Variants in TFIP11 observed in about 807,000 individuals in gnomAD.
TFIP11 encodes tuftelin interacting protein 11, also known as tuftelin-interacting protein 11.
A neutral mutation model predicts 96.8 loss-of-function variants in TFIP11; 86 were observed. That is an observed-to-expected ratio of 0.89 (90% CI 0.75 to 1.06). The LOEUF (loss-of-function observed/expected upper bound fraction) is 1.06, where lower values mean the gene tolerates loss of function less well. Among genes scored for constraint, TFIP11 ranks in the 50% least tolerant of loss-of-function variants. The probability of loss-of-function intolerance (pLI) is 0.00; values close to 1 mark genes in which losing one functional copy is unlikely to be tolerated. For synonymous variants in TFIP11, 405 were observed against 395.2 expected (o/e 1.02, Z -0.29); for missense variants, 881 against 1,076.7 (o/e 0.82, Z 2.54).
chr22:26,499,171 A>G lies in TFIP11; in HGVS notation c.1262T>C (p.Val421Ala). Residue 421 changes from valine to alanine, a missense_variant, in exon 9 of 15, where the codon GTG (valine) becomes GCG (alanine). Val to Ala is a moderately conservative substitution (Grantham distance 64). Transcript: ENST00000407690. ...YYEEYRMSDR[V>A]DLAVAIVYPL... ...ATAGACGATGGCCACAGCAAGGTCC[A>G]CACGGTCGGACATCCTGTACTCCTC... The G allele has an allele frequency of 6.2e-7, 1 of 1,608,954 alleles. No individual in the cohort carries two copies. The highest frequency in any genetic ancestry group is 8.5e-7 in the Non-Finnish European group (1 of 1,176,892).
At chr22:26,495,370 G>A (rs977951979) in intron 12 of TFIP11, among the ~76,000 whole-genome samples, 4 of 132,448 alleles carry the variant, frequency 3.0e-5, no homozygotes, top group Non-Finnish European at 4.6e-5. Flanking sequence ...CTCTGCCTCC[G>A]AGGTTCAAGC....
intron 2 of TFIP11, chr22:26,511,419 C>T (rs1924042659): frequency 6.6e-6 from 1 of 152,250 alleles, no homozygotes; most frequent in Non-Finnish European, 1.5e-5. Context: ...CACATAGTCA[C>T]ACCCAGGATC....
chr22:26,494,879 C>G lies in TFIP11; in HGVS notation c.1910G>C (p.Trp637Ser). 6.2e-7 allele frequency: 1 copy of G among 1,614,182 alleles called. No individual in the cohort carries two copies. The highest frequency in any genetic ancestry group is 8.5e-7 in the Non-Finnish European group (1 of 1,180,040). The change falls in exon 13 of 15, where the codon TGG becomes TCG. Residue 637 changes from tryptophan to serine, a missense_variant. Physicochemically the swap from Trp to Ser is radical, Grantham distance 177. Coordinates refer to ENST00000407690, the MANE Select transcript of TFIP11 (RefSeq NM_012143.4). ...PHQQHMDAFY[W>S]VIDWEGMISV... ...GATCATCCCTTCCCAGTCAATCACC[C>G]AATAGAATGCATCCATGTGCTGCTG...
At chr22:26,500,468 CTTTTAA>C (rs1340439401) in intron 8 of TFIP11, among the ~76,000 whole-genome samples, 1 of 152,164 alleles carries the variant, frequency 6.6e-6, no homozygotes, top group Non-Finnish European at 1.5e-5. Context: ...TGCGCCCAGC[CTTTTAA>C]TTTTAAAACA....
chr22:26,501,970 TC>T lies in TFIP11; in HGVS notation c.730del (p.Glu244LysfsTer3), dbSNP rs753339551. ...KKPKYSYKTVEELKAKGRISK... is the reference protein window; with the variant it reads ...KKPKYSYKTVXELKAKGRISK... ...AATCCTGCCCTTGGCCTTCAACTCT[TC>T]CACGGTCTTGTAAGAGTATTTGGGC... On this transcript the variant is annotated frameshift_variant, in exon 8 of 15. Coordinates refer to ENST00000407690, the MANE Select transcript of TFIP11 (RefSeq NM_012143.4). LOFTEE classifies it high-confidence loss of function. 1 of 1,613,716 alleles carries T rather than the reference TC, an allele frequency of 6.2e-7. No individual in the cohort carries two copies. Among genetic ancestry groups the T allele is most frequent in the Non-Finnish European group, 8.5e-7 (1 of 1,179,992 alleles).
intron 14 of TFIP11, 44 bp from the exon 15 acceptor site, chr22:26,492,412 G>A: frequency 1.9e-6 from 3 of 1,573,478 alleles, no homozygotes; most frequent in Non-Finnish European, 2.6e-6. Context: ...GTGTTTCCAG[G>A]TGTATGGAAG....
intron 9 of TFIP11, 39 bp downstream of exon 9, chr22:26,499,065 C>A (rs750890586): frequency 2.5e-6 from 4 of 1,602,182 alleles, no homozygotes; most frequent in Middle Eastern, 1.7e-4. Flanking sequence ...GTAAGCCCAA[C>A]CGAGAGGCAG....
At chr22:26,495,624 A>G (rs1202526013) in intron 12 of TFIP11, among the ~76,000 whole-genome samples, 1 of 29,582 alleles carries the variant, frequency 3.4e-5, no homozygotes, top group African/African-American at 7.4e-5. Flanking sequence ...ATATACATAT[A>G]TGTGTATATA....
Position 26,491,695 on chromosome 22 carries a change from T to G in TFIP11, c.*318A>C, listed in dbSNP as rs1355592495. On this transcript the variant is annotated 3_prime_UTR_variant, in exon 15 of 15. Coordinates refer to ENST00000407690, the MANE Select transcript of TFIP11 (RefSeq NM_012143.4). Reference sequence around the variant, plus strand: ...TGAACTCGTTGTGAGGTACTCAGTGTTGGCTGAGGTAGAAGCTGCCACCAG... The same window carrying G: ...TGAACTCGTTGTGAGGTACTCAGTGGTGGCTGAGGTAGAAGCTGCCACCAG... 1 of 1,595,850 alleles carries G rather than the reference T, an allele frequency of 6.3e-7. No individual in the cohort carries two copies. Among genetic ancestry groups the G allele is most frequent in the Non-Finnish European group, 8.5e-7 (1 of 1,172,526 alleles).
chr22:26,510,219 A>G lies in TFIP11; in HGVS notation c.54T>C (p.Asp18=), dbSNP rs145794160. 639 of 1,612,364 alleles carry G rather than the reference A, an allele frequency of 4.0e-4. No homozygotes were observed. The African/African-American group carries it at 6.8e-3, about 17-fold the overall frequency. Residue 18 remains aspartate (D), a synonymous_variant, in exon 4 of 15, where the codon GAT becomes GAC. Transcript: ENST00000407690. ...TGATCTCAAAGTTCTCCCGCTCGTC[A>G]TCATCATCATCAATGCGGCCTTCCC... ...RDGEGRIDDD[D]DERENFEITD...
chr22:26,498,856 C>T lies in TFIP11; in HGVS notation c.1436+13G>A, dbSNP rs768172388. On this transcript the variant is annotated intron_variant, in intron 10 of 14. Transcript: ENST00000407690. ...AAAGGAGCTGGGGTACAGAGCCCTG[C>T]TCTGTGGTGTACCTGTGAAAGGCAT... 6.2e-7 allele frequency: 1 copy of T among 1,610,452 alleles called. No individual in the cohort carries two copies. The highest frequency in any genetic ancestry group is 8.5e-7 in the Non-Finnish European group (1 of 1,176,802).
Position 26,499,128 on chromosome 22 carries a change from G to A in TFIP11, c.1305C>T (p.Tyr435=), listed in dbSNP as rs199947031. ...VAIVYPLMKE[Y]FKEWDPLKDC... Reference sequence around the variant, plus strand: ...CTTTGAGGGGATCCCACTCCTTGAAGTACTCCTTCATGAGTGGATAGACGA... The same window carrying A: ...CTTTGAGGGGATCCCACTCCTTGAAATACTCCTTCATGAGTGGATAGACGA... The change falls in exon 9 of 15, where the codon TAC becomes TAT. Residue 435 remains tyrosine (Y), a synonymous_variant. Coordinates refer to ENST00000407690, the MANE Select transcript of TFIP11 (RefSeq NM_012143.4). 3.7e-5 allele frequency: 59 copies of A among 1,591,300 alleles called. No homozygotes were observed. Among genetic ancestry groups the A allele is most frequent in the Non-Finnish European group, 5.0e-5 (58 of 1,165,468 alleles).
Position 26,504,285 on chromosome 22 carries a change from G to T in TFIP11, c.521-492C>A, listed in dbSNP as rs565009038. Among the ~76,000 whole-genome samples, 5 of 152,240 alleles carry T rather than the reference G, an allele frequency of 3.3e-5. No individual in the cohort carries two copies. The South Asian group carries it at 1.0e-3, about 32-fold the overall frequency. On this transcript the variant is annotated intron_variant, in intron 6 of 14. Transcript: ENST00000407690. The stretch of plus-strand genomic sequence containing the variant: ...TTTTTTATAACAAGTTTAAGCCCTG[G>T]AAATAAACGTTGTTTTTCTCATAAA...
intron 1 of TFIP11, 86 bp from the exon 2 acceptor site, chr22:26,512,261 T>C (rs1055734395): frequency 6.6e-6 from 1 of 152,340 alleles, no homozygotes; most frequent in African/African-American, 2.4e-5. Flanking sequence ...CCCCTCTCCG[T>C]GCCTCGGCAG....
rs565807758 is a variant in TFIP11 at position 26,494,308 on chromosome 22, C to A, written c.1993-4G>T. On this transcript the variant is annotated splice_polypyrimidine_tract_variant and splice_region_variant and intron_variant, in intron 13 of 14. Coordinates refer to ENST00000407690, the MANE Select transcript of TFIP11 (RefSeq NM_012143.4). ...TACTGAGCCAAGAGCACAGCACCTG[C>A]CAAAAAGAAAAATTACTTGCATCCA... 1 of 1,614,002 alleles carries A rather than the reference C, an allele frequency of 6.2e-7. No individual in the cohort carries two copies. The highest frequency in any genetic ancestry group is 1.1e-5 in the South Asian group (1 of 91,048).
chr22:26,496,275 G>A lies in TFIP11; in HGVS notation c.1647C>T (p.His549=), dbSNP rs200031465. Residue 549 remains histidine (H), a synonymous_variant, in exon 12 of 15, where the codon CAC becomes CAT. Coordinates refer to ENST00000407690, the MANE Select transcript of TFIP11 (RefSeq NM_012143.4). ...WNPLTDTVPI[H]SWIHPWLPLM... is the part of the protein sequence containing the mutation. ...GGGGCAGCCATGGGTGGATCCAAGA[G>A]TGGATGGGAACAGTGTCTGTGAGCG... 8.1e-6 allele frequency: 13 copies of A among 1,612,536 alleles called. No individual in the cohort carries two copies. Among genetic ancestry groups the A allele is most frequent in the Non-Finnish European group, 1.1e-5 (13 of 1,178,880 alleles).
In TFIP11 at chr22:26,496,797, C is replaced by G. The variant is rs189143195; in HGVS notation, c.1529G>C (p.Ser510Thr). ...NCDPMVDFLDSWVHIIPVWIL... is the reference protein window; with the variant it reads ...NCDPMVDFLDTWVHIIPVWIL... ...CCACACAGGAATAATGTGCACCCAA[C>G]TATCCAAAAAGTCCACCATCGGGTC... Residue 510 changes from serine to threonine, a missense_variant, in exon 11 of 15, where the codon AGT becomes ACT. Transcript: ENST00000407690. 1 of 1,614,172 alleles carries G rather than the reference C, an allele frequency of 6.2e-7. No homozygotes were observed. Among genetic ancestry groups the G allele is most frequent in the Admixed American group, 1.7e-5 (1 of 60,020 alleles).
chr22:26,496,660 A>G lies in TFIP11; in HGVS notation c.1605+61T>C. On this transcript the variant is annotated intron_variant, in intron 11 of 14. Transcript: ENST00000407690. Reference sequence around the variant, plus strand: ...TTAACAGCACTGAGATAATGAAGCCACAGACTGAACAAGTCCCTGTGATTA... The same window carrying G: ...TTAACAGCACTGAGATAATGAAGCCGCAGACTGAACAAGTCCCTGTGATTA... 1.9e-6 allele frequency: 3 copies of G among 1,581,172 alleles called. No homozygotes were observed. In the South Asian group the frequency reaches 3.4e-5, roughly 18 times the overall value.
chr22:26,501,974 C>T lies in TFIP11; in HGVS notation c.727G>A (p.Val243Met), dbSNP rs147540948. The T allele has an allele frequency of 1.9e-5, 30 of 1,613,822 alleles. No individual in the cohort carries two copies. The highest frequency in any genetic ancestry group is 3.3e-4 in the Middle Eastern group (2 of 6,062). Reference protein sequence around the residue: ...KKKPKYSYKTVEELKAKGRIS... With the variant: ...KKKPKYSYKTMEELKAKGRIS... ...CTGCCCTTGGCCTTCAACTCTTCCA[C>T]GGTCTTGTAAGAGTATTTGGGCTTC... The change falls in exon 8 of 15, where the codon GTG becomes ATG. Residue 243 changes from valine (V) to methionine (M), a missense_variant. Physicochemically the swap from Val to Met is conservative, Grantham distance 21. Transcript: ENST00000407690.
Sources: allele counts gnomAD v4.1 joint callset (sites outside exome capture counted in the v4.1 genomes callset), GRCh38; gene constraint gnomAD v4.1.1; transcripts MANE v1.5; gene names NCBI Gene and HGNC (gene_info 2026-07-23, HGNC 2026-07-21).